RGS3: variants seen among roughly 807,000 people sequenced by gnomAD.
The protein encoded by RGS3 is regulator of G-protein signalling 3.
A neutral mutation model predicts 132.6 loss-of-function variants in RGS3; 80 were observed. That is an observed-to-expected ratio of 0.60 (90% CI 0.50 to 0.73). The LOEUF (loss-of-function observed/expected upper bound fraction) is 0.73, where lower values mean the gene tolerates loss of function less well. Among genes scored for constraint, RGS3 ranks in the 30% least tolerant of loss-of-function variants. RGS3 has a pLI of 0.00. For synonymous variants in RGS3, 598 were observed against 620.6 expected, an observed-to-expected ratio of 0.96 and a Z score of 0.54; for missense variants, 1,382 against 1,530.8, an observed-to-expected ratio of 0.90 and a Z score of 1.62.
intron 19 of RGS3, among the ~76,000 whole-genome samples, chr9:113,575,007 A>G (rs180792481): frequency 2.1e-4 from 32 of 152,304 alleles, no homozygotes; most frequent in African/African-American, 7.7e-4. Context: ...AAAGACTACG[A>G]GTCCACCCAT....
chr9:113,583,896 C>T, exon 20 of RGS3: 1 of 1,614,086 alleles, frequency 6.2e-7, no homozygotes, highest in African/African-American at 1.3e-5. Context: ...CAGCCAAGGC[C>T]CTTACTGAGG....
intron 19 of RGS3, among the ~76,000 whole-genome samples, chr9:113,554,468 G>T (rs1833485143): frequency 6.6e-6 from 1 of 152,214 alleles, no homozygotes; most frequent in South Asian, 2.1e-4. Flanking sequence ...ATCATACCCA[G>T]CTACATTTTT....
intron 19 of RGS3, among the ~76,000 whole-genome samples, chr9:113,568,855 C>T (rs1357137855): frequency 1.3e-5 from 2 of 152,246 alleles, no homozygotes; most frequent in Non-Finnish European, 2.9e-5. Flanking sequence ...ACCAGCTGTA[C>T]CCTGGCTTCC....
chr9:113,454,683 C>CTTT (rs772993021), intron 1 of RGS3, among the ~76,000 whole-genome samples: 153 of 121,258 alleles, frequency 1.3e-3, no homozygotes, highest in African/African-American at 3.4e-3. Context: ...TGCTTTTAAA[C>CTTT]TTTTTTTTTT....
chr9:113,495,767 G>T lies in RGS3; in HGVS notation c.690-19G>T. 1 of 1,613,228 alleles carries T rather than the reference G, an allele frequency of 6.2e-7. No homozygotes were observed. The highest frequency in any genetic ancestry group is 1.1e-5 in the South Asian group (1 of 91,070). On this transcript the variant is annotated intron_variant, in intron 7 of 24. Transcript: ENST00000350696. ...GCCCAGAAAAAAAATGCTGACTCAA[G>T]TCTCACTTGTTCTCCCAGACAGAGT...
At chr9:113,469,865 T>C (rs916078535) in intron 3 of RGS3, among the ~76,000 whole-genome samples, 2 of 152,052 alleles carry the variant, frequency 1.3e-5, no homozygotes, top group Admixed American at 6.5e-5. Flanking sequence ...TCCTTGAAAT[T>C]AATCAAAATT....
intron 19 of RGS3, among the ~76,000 whole-genome samples, chr9:113,576,695 AG>A (rs1834543143): frequency 6.6e-6 from 1 of 152,226 alleles, no homozygotes; most frequent in Non-Finnish European, 1.5e-5. Context: ...GTGAGGCTAC[AG>A]GGAGACAGAG....
At chr9:113,474,140 C>CT (rs1183738717) in intron 3 of RGS3, among the ~76,000 whole-genome samples, 1 of 152,134 alleles carries the variant, frequency 6.6e-6, no homozygotes, top group African/African-American at 2.4e-5. Context: ...GACTAGAAGA[C>CT]TTATGCTGGC....
intron 15 of RGS3, 55 bp from the exon 14 acceptor site, chr9:113,517,486 C>G: frequency 1.4e-6 from 2 of 1,435,456 alleles, no homozygotes; most frequent in Non-Finnish European, 2.0e-6. Flanking sequence ...TTCCTCCCCC[C>G]GGGTCCTCAC....
intron 10 of RGS3, among the ~76,000 whole-genome samples, chr9:113,498,788 G>A (rs1830767832): frequency 6.6e-6 from 1 of 151,816 alleles, no homozygotes; most frequent in Admixed American, 6.6e-5. Flanking sequence ...ATGGTGCTGG[G>A]CGTCTGTAGT....
chr9:113,595,572 T>G (rs1427672791), intron 23 of RGS3, 27 bp from the exon 22 acceptor site: 1 of 1,609,046 alleles, frequency 6.2e-7, no homozygotes, highest in Non-Finnish European at 8.5e-7. Flanking sequence ...AGTTTGCCTC[T>G]TACCCCAGGA....
chr9:113,575,707 C>T (rs1244541454), intron 19 of RGS3, among the ~76,000 whole-genome samples: 1 of 152,168 alleles, frequency 6.6e-6, no homozygotes, highest in Non-Finnish European at 1.5e-5. Context: ...TGTTACCTGA[C>T]GCCACTCTCC....
In RGS3 at chr9:113,507,619, C is replaced by T. The variant is rs1361715005; in HGVS notation, c.1418C>T (p.Pro473Leu). The stretch of plus-strand genomic sequence containing the variant: ...GACCCCAACTACATCATCCTGGCCC[C>T]GCTGAATCCTGGGAGCCAGGTACGG... The change falls in exon 13 of 25, where the codon CCG becomes CTG. Residue 473 changes from proline to leucine, a missense_variant. Pro to Leu is a moderately conservative substitution (Grantham distance 98, BLOSUM62 -3). Coordinates refer to ENST00000350696, the Ensembl canonical transcript of RGS3. This position sits in a 1 kb window ranked among gnomAD's most constrained non-coding sequence, Gnocchi z 5.0. 1.2e-5 allele frequency: 17 copies of T among 1,473,782 alleles called. No homozygotes were observed. The highest frequency in any genetic ancestry group is 1.4e-5 in the African/African-American group (1 of 71,274). 91.3% of individuals were successfully genotyped at this position (1,473,782 alleles called of 1,614,324 possible). A position where few individuals can be genotyped will look rare whatever the true frequency, so the allele number is the denominator to read the frequency against.
chr9:113,501,325 T>G, intron 10 of RGS3: 1 of 1,095,610 alleles, frequency 9.1e-7, no homozygotes, highest in East Asian at 2.6e-5. Context: ...TACTAACTAG[T>G]TGACAGGAAT....
intron 3 of RGS3, among the ~76,000 whole-genome samples, chr9:113,465,476 T>TGTGTGTGTGTGTGTGC (rs796647799): frequency 4.0e-5 from 6 of 151,422 alleles, no homozygotes; most frequent in Non-Finnish European, 5.9e-5. Flanking sequence ...TGTGTGTGTG[T>TGTGTGTGTGTGTGTGC]GTGTGCCTGT....
At chr9:113,536,459 T>C in intron 18 of RGS3, 1 of 1,019,608 alleles carries the variant, frequency 9.8e-7, no homozygotes, top group Non-Finnish European at 1.2e-6. Context: ...TCCCACGTGC[T>C]CCCTCAGCTG....
At chr9:113,589,326 C>T (rs928850072) in intron 20 of RGS3, 2 of 152,264 alleles carry the variant, frequency 1.3e-5, no homozygotes, top group Non-Finnish European at 2.9e-5. Context: ...AATCAGAACC[C>T]GATTTTTTCA....
At chr9:113,545,477 C>T (rs61187134) in intron 19 of RGS3, among the ~76,000 whole-genome samples, 8,430 of 152,276 alleles carry the variant, frequency 0.055, 775 homozygotes, top group African/African-American at 0.19. Flanking sequence ...CAGCCACCAG[C>T]TCTCCTCCCC....
chr9:113,449,302 C>A (rs369545781), intron 1 of RGS3, among the ~76,000 whole-genome samples: 18 of 151,968 alleles, frequency 1.2e-4, no homozygotes, highest in African/African-American at 4.4e-4. Context: ...ACCCGGAAAC[C>A]AGAAAGGAAG....
Sources: gnomAD v4.1 joint callset for allele counts (sites outside exome capture counted in the v4.1 genomes callset) on GRCh38, gnomAD v4.1.1 for gene constraint, Gnocchi (gnomAD v3.1) non-coding constraint, MANE v1.5 for transcripts, NCBI Gene and HGNC (gene_info 2026-07-23, HGNC 2026-07-21) for gene names.